The following PAK5 variants were observed in gnomAD, a reference collection of about 807,000 sequenced individuals.
PAK5 encodes p21 (RAC1) activated kinase 5, also known as serine/threonine-protein kinase PAK 5.
Under a neutral mutation model 65.9 loss-of-function variants are expected in PAK5, and 16 were observed. That is an observed-to-expected ratio of 0.24 (90% CI 0.16 to 0.37). PAK5 has a LOEUF of 0.37. Ranked by LOEUF, PAK5 falls within the 10% of genes least tolerant of loss-of-function variation. The pLI is 1.00. For synonymous variants in PAK5, 371 were observed against 354.9 expected (o/e 1.05, Z -0.51); for missense variants, 785 against 903.9 (o/e 0.87, Z 1.69).
intron 1 of PAK5, among the ~76,000 whole-genome samples, chr20:9,757,360 T>C (rs2048647082): frequency 6.6e-6 from 1 of 152,192 alleles, no homozygotes; most frequent in Non-Finnish European, 1.5e-5. Context: ...CCTATTTTCA[T>C]GCTTATCCAA....
intron 1 of PAK5, among the ~76,000 whole-genome samples, chr20:9,745,138 T>G (rs910251987): frequency 1.3e-5 from 2 of 152,156 alleles, no homozygotes; most frequent in Non-Finnish European, 2.9e-5. Flanking sequence ...TAATATTAAT[T>G]ACCTGACATT....
intron 1 of PAK5, among the ~76,000 whole-genome samples, chr20:9,749,142 A>C (rs946549218): frequency 3.9e-5 from 6 of 152,116 alleles, no homozygotes; most frequent in Non-Finnish European, 7.4e-5. Flanking sequence ...GCACAAAAAA[A>C]CTCAGTATCT....
At chr20:9,637,164 C>T (rs995946770) in intron 3 of PAK5, among the ~76,000 whole-genome samples, 40 of 152,174 alleles carry the variant, frequency 2.6e-4, no homozygotes, top group African/African-American at 9.6e-4. Flanking sequence ...GCATGCCTGG[C>T]TAATATTTTT....
intron 2 of PAK5, among the ~76,000 whole-genome samples, chr20:9,678,918 C>T (rs117073971): frequency 0.012 from 1,852 of 152,234 alleles, 11 homozygotes; most frequent in Non-Finnish European, 0.019. Flanking sequence ...ACAGCCAAAC[C>T]ATATCAGAAG....
intron 2 of PAK5, among the ~76,000 whole-genome samples, chr20:9,663,231 T>A (rs2123339378): frequency 6.6e-6 from 1 of 152,276 alleles, no homozygotes; most frequent in South Asian, 2.1e-4. Flanking sequence ...CCAACCTTGA[T>A]TTTAGTCTAG....
chr20:9,827,810 G>GT (rs1458355226), intron 1 of PAK5, among the ~76,000 whole-genome samples: 1 of 151,438 alleles, frequency 6.6e-6, no homozygotes, highest in Non-Finnish European at 1.5e-5. Flanking sequence ...TGCAAAAAAT[G>GT]TTTTTTAGGT....
chr20:9,817,981 T>G (rs1367070260), intron 1 of PAK5, among the ~76,000 whole-genome samples: 1 of 152,210 alleles, frequency 6.6e-6, no homozygotes, highest in Non-Finnish European at 1.5e-5. Flanking sequence ...CTTTTATTTA[T>G]CTAAAACAAA....
intron 1 of PAK5, among the ~76,000 whole-genome samples, chr20:9,774,761 G>A (rs962398982): frequency 6.6e-6 from 1 of 151,882 alleles, no homozygotes; most frequent in Non-Finnish European, 1.5e-5. Flanking sequence ...GGCTAACATG[G>A]TGAAACCCCG....
intron 3 of PAK5, among the ~76,000 whole-genome samples, chr20:9,620,849 T>C (rs979424227): frequency 1.3e-5 from 2 of 151,798 alleles, no homozygotes; most frequent in Non-Finnish European, 2.9e-5. Flanking sequence ...TTTGTCTTCC[T>C]CTAATCATGG....
intron 3 of PAK5, among the ~76,000 whole-genome samples, chr20:9,627,413 A>C (rs2046859421): frequency 6.6e-6 from 1 of 152,098 alleles, no homozygotes; most frequent in African/African-American, 2.4e-5. Context: ...ATGAGGCGGG[A>C]GGTGAGGGCT....
At chr20:9,601,185 C>A (rs1416647121) in intron 3 of PAK5, among the ~76,000 whole-genome samples, 1 of 152,116 alleles carries the variant, frequency 6.6e-6, no homozygotes, top group Non-Finnish European at 1.5e-5. Flanking sequence ...TTTCCCACAG[C>A]CTATTACAAG....
At chr20:9,655,031 T>A (rs2047249041) in intron 2 of PAK5, among the ~76,000 whole-genome samples, 2 of 152,184 alleles carry the variant, frequency 1.3e-5, no homozygotes, top group Admixed American at 1.3e-4. Flanking sequence ...CACGCCACCA[T>A]CATTTCTCTC....
intron 3 of PAK5, among the ~76,000 whole-genome samples, chr20:9,587,364 A>C (rs932389053): frequency 1.3e-5 from 2 of 152,224 alleles, no homozygotes; most frequent in Admixed American, 6.6e-5. Flanking sequence ...CAATTGTTAC[A>C]TAAATATTCC....
At chr20:9,662,908 C>T (rs1156527066) in intron 2 of PAK5, among the ~76,000 whole-genome samples, 1 of 152,074 alleles carries the variant, frequency 6.6e-6, no homozygotes, top group African/African-American at 2.4e-5. Context: ...ATGCAGGATT[C>T]ATGTCAAACT....
At position 9,789,057 on chromosome 20, in the gene PAK5, T is replaced by C. The variant is rs189925580; in HGVS notation, c.-162+49705A>G. Among the ~76,000 whole-genome samples the C allele has an allele frequency of 8.5e-5, 13 of 152,294 alleles. 1 individual carries two copies. The highest frequency in any genetic ancestry group is 8.3e-4 in the South Asian group (4 of 4,824). The stretch of plus-strand genomic sequence containing the variant: ...CTCCACTGGAAGGTGTGAAGAGGGT[T>C]CCTAGCTGAGCTCTATGGGAAGTTC... On this transcript the variant is annotated intron_variant, in intron 1 of 9. Coordinates refer to ENST00000353224, the MANE Select transcript of PAK5 (RefSeq NM_177990.4).
chr20:9,831,570 C>T (rs750041269), intron 1 of PAK5, among the ~76,000 whole-genome samples: 1 of 152,146 alleles, frequency 6.6e-6, no homozygotes, highest in African/African-American at 2.4e-5. Context: ...TGCAGTGGTG[C>T]GATCTTGGCT....
At chr20:9,551,556 A>G (rs1239594334) in intron 7 of PAK5, among the ~76,000 whole-genome samples, 4 of 152,180 alleles carry the variant, frequency 2.6e-5, no homozygotes, top group East Asian at 1.9e-4. Context: ...GTCTATCCAC[A>G]GGGCAGCTAC....
intron 3 of PAK5, among the ~76,000 whole-genome samples, chr20:9,582,046 T>C (rs1241502041): frequency 6.6e-6 from 1 of 152,188 alleles, no homozygotes; most frequent in African/African-American, 2.4e-5. Flanking sequence ...CTAATAGTTT[T>C]GTACTATACC....
chr20:9,736,343 A>C (rs2048389539), intron 1 of PAK5, among the ~76,000 whole-genome samples: 1 of 152,234 alleles, frequency 6.6e-6, no homozygotes, highest in South Asian at 2.1e-4. Flanking sequence ...AGGAAGGGAC[A>C]AAAGAGGCAT....
Sources: gnomAD v4.1 joint callset for allele counts (sites outside exome capture counted in the v4.1 genomes callset) on GRCh38, gnomAD v4.1.1 for gene constraint, MANE v1.5 for transcripts, NCBI Gene and HGNC (gene_info 2026-07-23, HGNC 2026-07-21) for gene names.